ALG5: variants seen among roughly 807,000 people sequenced by gnomAD.
ALG5 encodes the protein ALG5 dolichyl-phosphate beta-glucosyltransferase.
Under a neutral mutation model 51.8 loss-of-function variants are expected in ALG5, and 26 were observed. The ratio of observed to expected loss-of-function variants is 0.50; its 90% CI spans 0.37 to 0.70. The LOEUF is 0.70. Among genes scored for constraint, ALG5 ranks in the 30% least tolerant of loss-of-function variants. The pLI is 0.00. For synonymous variants in ALG5, 141 were observed against 136.1 expected (o/e 1.04, Z -0.25); for missense variants, 311 against 399.3 (o/e 0.78, Z 1.88).
intron 6 of ALG5, among the ~76,000 whole-genome samples, chr13:36,984,037 C>T (rs2058991197): frequency 6.6e-6 from 1 of 151,242 alleles, no homozygotes; most frequent in Non-Finnish European, 1.5e-5. Flanking sequence ...AGGTCTATTT[C>T]ATTCATAGAT....
chr13:36,978,564 T>G (rs769130322), intron 6 of ALG5, among the ~76,000 whole-genome samples: 2 of 152,080 alleles, frequency 1.3e-5, no homozygotes, highest in Admixed American at 6.5e-5. Flanking sequence ...CTAATTTATA[T>G]TAACAATCAT....
rs869027711 is a variant in ALG5 at position 36,977,790 on chromosome 13, C to CAA, written c.562-5756_562-5755dup. On this transcript the variant is annotated intron_variant, in intron 6 of 9. Transcript: ENST00000239891. ...CTGGGCGACAGAGTGAGACTGTCTCCAAAAAAAAAAAAAAAAAAAAAAAAC... is the reference window on the plus strand; with the variant it reads ...CTGGGCGACAGAGTGAGACTGTCTCCAAAAAAAAAAAAAAAAAAAAAAAAAAC... 5.9e-3 allele frequency among the ~76,000 whole-genome samples: 229 copies of CAA among 39,136 alleles called. 33 individuals carry two copies. Among genetic ancestry groups the CAA allele is most frequent in the African/African-American group, 0.03 (224 of 7,408 alleles). 25.7% of individuals were successfully genotyped at this position (39,136 alleles called of 152,430 possible).
chr13:36,970,237 AT>A (rs2058915829), intron 7 of ALG5, among the ~76,000 whole-genome samples: 1 of 152,124 alleles, frequency 6.6e-6, no homozygotes, highest in Non-Finnish European at 1.5e-5. Flanking sequence ...TGGTTAACAG[AT>A]TAACCTTTTT....
intron 7 of ALG5, 23 bp downstream of exon 7, chr13:36,971,954 C>A (rs1032112304): frequency 5.7e-6 from 9 of 1,584,588 alleles, no homozygotes; most frequent in Non-Finnish European, 7.7e-6. Context: ...TTGGCTGTCC[C>A]ATGCCAATTA....
intron 4 of ALG5, among the ~76,000 whole-genome samples, chr13:36,992,053 C>G (rs954989418): frequency 6.6e-6 from 1 of 152,188 alleles, no homozygotes; most frequent in Non-Finnish European, 1.5e-5. Flanking sequence ...ATCTAGCAAC[C>G]TGATCCTGTT....
chr13:36,967,839 T>C (rs1210755179), intron 7 of ALG5: 3 of 1,192,158 alleles, frequency 2.5e-6, no homozygotes, highest in Non-Finnish European at 3.3e-6. Context: ...AATTGAAAGA[T>C]AGAAAAATAA....
chr13:36,978,599 T>A (rs893845510), intron 6 of ALG5, among the ~76,000 whole-genome samples: 2 of 151,204 alleles, frequency 1.3e-5, no homozygotes, highest in African/African-American at 4.9e-5. Context: ...TTGGATCTGA[T>A]GAAAAAATAT....
intron 7 of ALG5, among the ~76,000 whole-genome samples, chr13:36,967,422 A>T (rs2138794028): frequency 1.3e-5 from 2 of 152,254 alleles, no homozygotes; most frequent in East Asian, 3.9e-4. Flanking sequence ...ATTATTTTAA[A>T]GAATATAGCG....
At chr13:36,957,957 A>C (rs1178999649) in intron 8 of ALG5, among the ~76,000 whole-genome samples, 1 of 152,112 alleles carries the variant, frequency 6.6e-6, no homozygotes, top group Non-Finnish European at 1.5e-5. Flanking sequence ...CCGCGTTTAA[A>C]GTGGCTGGTG....
chr13:36,983,731 A>G (rs1318761968), intron 6 of ALG5, among the ~76,000 whole-genome samples: 2 of 152,200 alleles, frequency 1.3e-5, no homozygotes, highest in Non-Finnish European at 2.9e-5. Flanking sequence ...TAATTCTCTT[A>G]AGAATTATAT....
At position 36,967,813 on chromosome 13, in the gene ALG5, G is replaced by A. The variant is rs570793451; in HGVS notation, c.622-2087C>T. 36 of 1,233,868 alleles carry A rather than the reference G, an allele frequency of 2.9e-5. 1 individual carries two copies. The East Asian group carries it at 6.2e-4, about 21-fold the overall frequency. 76.4% of individuals were successfully genotyped at this position (1,233,868 alleles called of 1,614,324 possible). On this transcript the variant is annotated intron_variant, in intron 7 of 9. Coordinates refer to ENST00000239891, the MANE Select transcript of ALG5 (RefSeq NM_013338.5). ...CCTCCAAAAGAGCACTTATGCTTAG[G>A]AAAGGAACAAATAGAAATTGAAAGA...
chr13:36,971,672 C>T (rs959531253), intron 7 of ALG5, among the ~76,000 whole-genome samples: 3 of 63,382 alleles, frequency 4.7e-5, no homozygotes, highest in East Asian at 5.9e-4. Flanking sequence ...AAAAAAAAAG[C>T]GTAATTTAAA....
intron 4 of ALG5, among the ~76,000 whole-genome samples, chr13:36,990,337 C>G (rs999258457): frequency 1.3e-5 from 2 of 152,238 alleles, no homozygotes; most frequent in African/African-American, 4.8e-5. Flanking sequence ...CTTAGCCCAT[C>G]AGGTACCCTC....
At chr13:36,965,503 G>A (rs1407885913) in intron 8 of ALG5, 72 bp downstream of exon 8, 1 of 1,418,182 alleles carries the variant, frequency 7.1e-7, no homozygotes, top group African/African-American at 1.4e-5. Flanking sequence ...TAAATATACA[G>A]GGCTGTTTCT....
chr13:36,969,595 C>T (rs1463313470), intron 7 of ALG5, among the ~76,000 whole-genome samples: 1 of 151,816 alleles, frequency 6.6e-6, no homozygotes, highest in Non-Finnish European at 1.5e-5. Context: ...GTGCAGTGGC[C>T]TGATCTCAGC....
intron 6 of ALG5, among the ~76,000 whole-genome samples, chr13:36,973,920 T>C (rs1004560269): frequency 1.9e-4 from 29 of 152,220 alleles, no homozygotes; most frequent in African/African-American, 7.0e-4. Context: ...GCAACAGCAA[T>C]TTGAAACGTT....
intron 8 of ALG5, among the ~76,000 whole-genome samples, chr13:36,954,926 G>C (rs950439883): frequency 6.6e-6 from 1 of 152,116 alleles, no homozygotes; most frequent in Admixed American, 6.5e-5. Context: ...GGGAGGAAAT[G>C]ATAATAAAAA....
intron 3 of ALG5, among the ~76,000 whole-genome samples, chr13:36,994,132 T>C (rs1217101293): frequency 1.3e-5 from 2 of 152,226 alleles, no homozygotes; most frequent in South Asian, 2.1e-4. Context: ...ACCTACTCTA[T>C]GTGGCTGGTG....
At chr13:36,999,056 G>C in intron 1 of ALG5, 179 bp downstream of exon 1, 1 of 459,818 alleles carries the variant, frequency 2.2e-6, no homozygotes. Flanking sequence ...GAAAATTAAA[G>C]AACCGAAGAA....
Sources: allele counts gnomAD v4.1 joint callset (sites outside exome capture counted in the v4.1 genomes callset), GRCh38; gene constraint gnomAD v4.1.1; transcripts MANE v1.5; gene names NCBI Gene and HGNC (gene_info 2026-07-23, HGNC 2026-07-21).